Variants in PPP1R9A observed in about 807,000 individuals in gnomAD.
The protein encoded by PPP1R9A is neurabin-1.
A neutral mutation model predicts 141.9 loss-of-function variants in PPP1R9A; 59 were observed. That is an observed-to-expected ratio of 0.42 (90% CI 0.34 to 0.52). PPP1R9A has a LOEUF of 0.52. Ranked by LOEUF, PPP1R9A falls within the 20% of genes least tolerant of loss-of-function variation. The pLI, the probability that PPP1R9A is intolerant of heterozygous loss-of-function variation, is 0.10. For missense variants in PPP1R9A, 1,444 were observed against 1,611.9 expected (o/e 0.90, Z 1.78); for synonymous variants, 500 against 569.7 (o/e 0.88, Z 1.74).
At chr7:95,178,643 GAAA>G (rs910883864) in intron 5 of PPP1R9A, among the ~76,000 whole-genome samples, 11 of 151,974 alleles carry the variant, frequency 7.2e-5, no homozygotes, top group African/African-American at 2.2e-4. Context: ...CATTAACCAA[GAAA>G]AGAAGAGAGA....
intron 10 of PPP1R9A, among the ~76,000 whole-genome samples, chr7:95,251,386 C>T (rs765363620): frequency 6.6e-6 from 1 of 152,076 alleles, no homozygotes; most frequent in Non-Finnish European, 1.5e-5. Flanking sequence ...TATCTAGTTA[C>T]ATCAGTTTAC....
chr7:94,955,794 A>C (rs928118254), intron 2 of PPP1R9A, among the ~76,000 whole-genome samples: 3 of 152,074 alleles, frequency 2.0e-5, no homozygotes, highest in African/African-American at 7.2e-5. Flanking sequence ...AGATTGCCTC[A>C]TTTTCTGTGT....
intron 8 of PPP1R9A, among the ~76,000 whole-genome samples, chr7:95,242,245 T>TA (rs1797560080): frequency 6.6e-6 from 1 of 152,166 alleles, no homozygotes; most frequent in South Asian, 2.1e-4. Flanking sequence ...ATCACTCAAA[T>TA]ACTCACAAAG....
chr7:94,967,173 T>C (rs1798311857), intron 2 of PPP1R9A, among the ~76,000 whole-genome samples: 1 of 152,168 alleles, frequency 6.6e-6, no homozygotes, highest in South Asian at 2.1e-4. Context: ...ATCCCCCTTA[T>C]CATTTTTGTT....
intron 2 of PPP1R9A, among the ~76,000 whole-genome samples, chr7:95,012,484 G>T (rs539569644): frequency 6.6e-6 from 1 of 152,236 alleles, no homozygotes; most frequent in Admixed American, 6.5e-5. Context: ...TGATGTTTGG[G>T]CAGGGACACA....
At chr7:94,961,510 G>T (rs1797640449) in intron 2 of PPP1R9A, among the ~76,000 whole-genome samples, 1 of 151,692 alleles carries the variant, frequency 6.6e-6, no homozygotes. Context: ...AGACTGTGAG[G>T]TTCCTTATAT....
At chr7:94,922,004 T>C (rs1792904017) in intron 2 of PPP1R9A, among the ~76,000 whole-genome samples, 1 of 151,852 alleles carries the variant, frequency 6.6e-6, no homozygotes, top group Non-Finnish European at 1.5e-5. Flanking sequence ...ATCTATGATT[T>C]TCATATCTGT....
chr7:95,263,193 G>A (rs1800697195), intron 12 of PPP1R9A, among the ~76,000 whole-genome samples: 1 of 152,004 alleles, frequency 6.6e-6, no homozygotes, highest in African/African-American at 2.4e-5. Flanking sequence ...GAATTAAGGT[G>A]CCTTTAAGAG....
intron 4 of PPP1R9A, chr7:95,155,190 T>TC (rs963863140): frequency 1.8e-5 from 2 of 112,968 alleles, no homozygotes; most frequent in Non-Finnish European, 3.7e-5. Context: ...TTTTTCTTTT[T>TC]TTTTTTTTTT....
intron 5 of PPP1R9A, among the ~76,000 whole-genome samples, chr7:95,184,886 G>T (rs1294687646): frequency 2.0e-5 from 3 of 151,956 alleles, no homozygotes; most frequent in Non-Finnish European, 4.4e-5. Flanking sequence ...GGCATTTAGG[G>T]TGTTCTATCT....
chr7:95,279,867 G>T (rs854533), intron 16 of PPP1R9A, among the ~76,000 whole-genome samples: 67,030 of 152,032 alleles, frequency 0.44, 15,141 homozygotes, highest in Middle Eastern at 0.6. Context: ...TTAGCATTTA[G>T]ATTTTGATAG....
chr7:95,007,380 T>C (rs549352234), intron 2 of PPP1R9A, among the ~76,000 whole-genome samples: 1 of 152,290 alleles, frequency 6.6e-6, no homozygotes, highest in African/African-American at 2.4e-5. Context: ...CCTCGCCCAA[T>C]TTGTGACAAA....
chr7:95,177,608 A>C (rs1833087718), intron 5 of PPP1R9A, among the ~76,000 whole-genome samples: 1 of 152,176 alleles, frequency 6.6e-6, no homozygotes. Flanking sequence ...GTAAGAATTC[A>C]CCAACCAACT....
At chr7:94,961,799 G>A (rs559193690) in intron 2 of PPP1R9A, among the ~76,000 whole-genome samples, 8 of 151,946 alleles carry the variant, frequency 5.3e-5, no homozygotes, top group African/African-American at 1.9e-4. Flanking sequence ...AGCACAAATC[G>A]TAGAACAGAT....
chr7:95,032,524 A>G (rs573610605), intron 2 of PPP1R9A, among the ~76,000 whole-genome samples: 11 of 152,244 alleles, frequency 7.2e-5, no homozygotes, highest in Middle Eastern at 3.4e-3. Context: ...TAGCTGGTCA[A>G]TTTCTAGACC....
chr7:95,181,577 C>A (rs139538303), intron 5 of PPP1R9A, among the ~76,000 whole-genome samples: 1 of 129,152 alleles, frequency 7.7e-6, no homozygotes. Context: ...ATATATATTC[C>A]ATCACATATA....
intron 2 of PPP1R9A, among the ~76,000 whole-genome samples, chr7:95,020,373 ATAAAT>A (rs1805762859): frequency 6.6e-6 from 1 of 152,234 alleles, no homozygotes; most frequent in Admixed American, 6.5e-5. Context: ...AAACGAAGAT[ATAAAT>A]TAAATATTTT....
chr7:95,037,749 T>C (rs1808648847), intron 2 of PPP1R9A, among the ~76,000 whole-genome samples: 1 of 152,106 alleles, frequency 6.6e-6, no homozygotes, highest in Non-Finnish European at 1.5e-5. Context: ...TAACACTGGA[T>C]TAATATAAAA....
At chr7:95,157,058 CCAGGCT>C (rs1196634574) in intron 4 of PPP1R9A, 2 of 152,698 alleles carry the variant, frequency 1.3e-5, no homozygotes, top group Non-Finnish European at 2.9e-5. Flanking sequence ...AGTCCTGTCC[CCAGGCT>C]TCAGGCCTTC....
Sources: gnomAD v4.1 joint callset for allele counts (sites outside exome capture counted in the v4.1 genomes callset) on GRCh38, gnomAD v4.1.1 for gene constraint, MANE v1.5 for transcripts, NCBI Gene and HGNC (gene_info 2026-07-23, HGNC 2026-07-21) for gene names.